Variants in ANXA4 observed in about 807,000 individuals in gnomAD.
ANXA4 encodes annexin A4, also known as 35-beta calcimedin.
Under a neutral mutation model 49.8 loss-of-function variants are expected in ANXA4, and 39 were observed. The observed-to-expected ratio is 0.78, with a 90% confidence interval of 0.61 to 1.02. The LOEUF is 1.02. Among genes scored for constraint, ANXA4 ranks in the 50% least tolerant of loss-of-function variants. The pLI, the probability that ANXA4 is intolerant of heterozygous loss-of-function variation, is 0.00. For missense variants in ANXA4, 360 were observed against 410.1 expected, an observed-to-expected ratio of 0.88 and a Z score of 1.05; for synonymous variants, 134 against 152.5, an observed-to-expected ratio of 0.88 and a Z score of 0.89.
chr2:69,701,847 T>C (rs1411220364), intron 2 of ANXA4, among the ~76,000 whole-genome samples: 4 of 152,200 alleles, frequency 2.6e-5, no homozygotes, highest in Admixed American at 6.5e-5. Context: ...TGTTGATATC[T>C]TTACCCATTG....
At chr2:69,773,114 G>C (rs1671797283) in intron 1 of ANXA4, among the ~76,000 whole-genome samples, 2 of 152,152 alleles carry the variant, frequency 1.3e-5, no homozygotes, top group African/African-American at 4.8e-5. Flanking sequence ...ATATTACACT[G>C]TGTGCTGTCC....
exon 1 of ANXA4, chr2:69,644,554 G>T: frequency 6.6e-6 from 1 of 152,278 alleles, no homozygotes; most frequent in Non-Finnish European, 1.5e-5. Context: ...ACAGTGTCTC[G>T]TCTGGAAATG....
At chr2:69,677,640 T>G (rs979807051) in intron 2 of ANXA4, among the ~76,000 whole-genome samples, 1 of 152,228 alleles carries the variant, frequency 6.6e-6, no homozygotes, top group African/African-American at 2.4e-5. Context: ...CAGAACACGA[T>G]ACCCTAATGG....
chr2:69,807,391 A>G (rs914557055), intron 5 of ANXA4, among the ~76,000 whole-genome samples: 6 of 152,206 alleles, frequency 3.9e-5, no homozygotes, highest in Non-Finnish European at 7.3e-5. Flanking sequence ...GCCAAATTTT[A>G]ATGACCAAGT....
intron 6 of ANXA4, chr2:69,809,154 G>A (rs1401505621): frequency 6.6e-6 from 1 of 152,190 alleles, no homozygotes; most frequent in African/African-American, 2.4e-5. Context: ...TGTTGTCAAT[G>A]ATTCTTATTT....
In ANXA4 at chr2:69,762,864, C is replaced by T. The variant is rs1025755023; in HGVS notation, c.-46-18656C>T. On this transcript the variant is annotated intron_variant, in intron 1 of 12. Coordinates refer to ENST00000394295, the MANE Select transcript of ANXA4 (RefSeq NM_001153.5). The stretch of plus-strand genomic sequence containing the variant: ...TGTCTCATAAACACACACACTCACT[C>T]ACACACTCACACACACTCATACTCA... Among the ~76,000 whole-genome samples the T allele has an allele frequency of 2.9e-4, 9 of 30,846 alleles. No individual in the cohort carries two copies. The South Asian group carries it at 3.4e-3, about 12-fold the overall frequency. 20.2% of individuals were successfully genotyped at this position (30,846 alleles called of 152,430 possible).
chr2:69,663,324 T>TTTTG, intron 2 of ANXA4, among the ~76,000 whole-genome samples: 1 of 113,672 alleles, frequency 8.8e-6, no homozygotes. Context: ...TTTTTTTTTT[T>TTTTG]TTTGCTAAAT....
intron 1 of ANXA4, among the ~76,000 whole-genome samples, chr2:69,761,325 A>C (rs1026591115): frequency 1.3e-5 from 2 of 152,202 alleles, no homozygotes; most frequent in Non-Finnish European, 1.5e-5. Flanking sequence ...TGAAATGTTC[A>C]GTTTTCACAT....
intron 1 of ANXA4, among the ~76,000 whole-genome samples, chr2:69,774,942 G>T (rs1326199906): frequency 6.6e-6 from 1 of 152,152 alleles, no homozygotes. Context: ...AGAGCTGTGG[G>T]TCCTGCATCA....
chr2:69,790,099 CT>C (rs747483343), intron 3 of ANXA4, among the ~76,000 whole-genome samples: 2 of 151,236 alleles, frequency 1.3e-5, no homozygotes, highest in Non-Finnish European at 2.9e-5. Flanking sequence ...AAGAGAAGTG[CT>C]TTTTTTTTGA....
chr2:69,750,549 A>G lies in ANXA4; in HGVS notation c.-47+8374A>G, dbSNP rs1405253867. 2.0e-5 allele frequency among the ~76,000 whole-genome samples: 3 copies of G among 152,148 alleles called. No homozygotes were observed. In the East Asian group the frequency reaches 5.8e-4, roughly 29 times the overall value. On this transcript the variant is annotated intron_variant, in intron 1 of 12. Coordinates refer to ENST00000394295, the MANE Select transcript of ANXA4 (RefSeq NM_001153.5). The stretch of plus-strand genomic sequence containing the variant: ...CACCTTAGCCTCCCAGGTGGCTGGA[A>G]CTATAGGCACGCGCTGCCACACCCA...
intron 2 of ANXA4, among the ~76,000 whole-genome samples, chr2:69,682,176 A>G (rs915968755): frequency 1.2e-4 from 18 of 152,106 alleles, no homozygotes; most frequent in Admixed American, 9.8e-4. Context: ...CAGTTCCTTG[A>G]AGGCATCTTT....
intron 2 of ANXA4, among the ~76,000 whole-genome samples, chr2:69,708,914 T>TAA (rs569292795): frequency 0.023 from 3,329 of 145,110 alleles, 108 homozygotes; most frequent in African/African-American, 0.078. Context: ...CTACCAAACT[T>TAA]AAAAAAAAAA....
intron 2 of ANXA4, among the ~76,000 whole-genome samples, chr2:69,689,248 C>G (rs1677886016): frequency 1.3e-5 from 2 of 151,936 alleles, no homozygotes; most frequent in Admixed American, 1.3e-4. Flanking sequence ...ACCACCATAT[C>G]TTACTAATTT....
At chr2:69,810,869 T>C in intron 7 of ANXA4, 196 bp downstream of exon 7, 1 of 575,580 alleles carries the variant, frequency 1.7e-6, no homozygotes, top group Non-Finnish European at 3.1e-6. Flanking sequence ...TCTACTTTAA[T>C]TTGATATTTA....
At chr2:69,805,840 C>T (rs1673423441) in intron 4 of ANXA4, among the ~76,000 whole-genome samples, 1 of 151,970 alleles carries the variant, frequency 6.6e-6, no homozygotes, top group Non-Finnish European at 1.5e-5. Context: ...CTATTAGAAA[C>T]TAAAACTGAG....
At chr2:69,735,607 GA>G (rs68067564) in intron 3 of ANXA4, among the ~76,000 whole-genome samples, 5 of 150,032 alleles carry the variant, frequency 3.3e-5, no homozygotes, top group East Asian at 1.9e-4. Flanking sequence ...GCCACTCTGG[GA>G]AAAAAAAAAT....
rs61468872 is a variant in ANXA4 at position 69,775,961 on chromosome 2, T to TTTTATTTATTTATTTATTTATTTA, written c.-46-5552_-46-5529dup. On this transcript the variant is annotated intron_variant, in intron 1 of 12. Transcript: ENST00000394295. ...TTCCAGGCCATTTTATTTATTTTTA[T>TTTTATTTATTTATTTATTTATTTA]TTTATTTATTTATTTATTTATTTAT... Among the ~76,000 whole-genome samples the TTTTATTTATTTATTTATTTATTTA allele has an allele frequency of 8.8e-3, 921 of 104,562 alleles. 15 individuals carry two copies. Among genetic ancestry groups the TTTTATTTATTTATTTATTTATTTA allele is most frequent in the African/African-American group, 0.019 (693 of 36,260 alleles). The allele number at this position is 104,562 out of a possible 152,430, so 68.6% of individuals were successfully genotyped here. A position where few individuals can be genotyped will look rare whatever the true frequency, so the allele number is the denominator to read the frequency against.
intron 12 of ANXA4, among the ~76,000 whole-genome samples, chr2:69,822,568 T>C (rs1264602794): frequency 6.6e-6 from 1 of 151,970 alleles, no homozygotes; most frequent in East Asian, 1.9e-4. Flanking sequence ...TAAAAAGCAA[T>C]GATATTCAAT....
Sources: allele counts gnomAD v4.1 joint callset (sites outside exome capture counted in the v4.1 genomes callset), GRCh38; gene constraint gnomAD v4.1.1; transcripts MANE v1.5; gene names NCBI Gene and HGNC (gene_info 2026-07-23, HGNC 2026-07-21).